The following CAST variants were observed in gnomAD, a reference collection of about 807,000 sequenced individuals.
CAST encodes the protein MIR583 host.
CAST carries 76 observed loss-of-function variants against 119.6 expected under a neutral mutation model. That is an observed-to-expected ratio of 0.64 (90% CI 0.53 to 0.77). The LOEUF is 0.77. Ranked by LOEUF, CAST falls within the 30% of genes least tolerant of loss-of-function variation. The probability of loss-of-function intolerance (pLI) is 0.00; values close to 1 mark genes in which losing one functional copy is unlikely to be tolerated. For synonymous variants in CAST, 319 were observed against 331.6 expected, an observed-to-expected ratio of 0.96 and a Z score of 0.41; for missense variants, 953 against 946.5, an observed-to-expected ratio of 1.01 and a Z score of -0.09.
intron 1 of CAST, among the ~76,000 whole-genome samples, chr5:96,532,462 C>G (rs1054128088): frequency 2.6e-5 from 4 of 152,188 alleles, no homozygotes; most frequent in Non-Finnish European, 5.9e-5. Context: ...TGCCTGTAAT[C>G]CCAGCATTTT....
the CAST span, among the ~76,000 whole-genome samples, chr5:96,201,783 T>G: frequency 6.6e-6 from 1 of 152,112 alleles, no homozygotes; most frequent in Non-Finnish European, 1.5e-5. Flanking sequence ...TAATATAAAG[T>G]GTCACAGTGC....
chr5:96,593,880 A>G (rs1233178675), intron 1 of CAST, among the ~76,000 whole-genome samples: 1 of 152,228 alleles, frequency 6.6e-6, no homozygotes, highest in African/African-American at 2.4e-5. Flanking sequence ...TGTGAGAAAT[A>G]GATTTCTGTT....
chr5:96,171,887 G>A, the CAST span, among the ~76,000 whole-genome samples: 8 of 152,362 alleles, frequency 5.3e-5, no homozygotes, highest in East Asian at 1.5e-3. Context: ...CAAAGAGCAG[G>A]AGGACAGGGG....
At chr5:96,619,783 A>T (rs1021895564) in intron 1 of CAST, among the ~76,000 whole-genome samples, 7 of 151,032 alleles carry the variant, frequency 4.6e-5, no homozygotes, top group African/African-American at 1.5e-4. Flanking sequence ...TCATTCCTGA[A>T]GTCAGCCATA....
chr5:96,093,424 C>T, the CAST span, among the ~76,000 whole-genome samples: 3 of 152,234 alleles, frequency 2.0e-5, no homozygotes, highest in African/African-American at 7.2e-5. Flanking sequence ...GAGCCAGCAG[C>T]AGCTGTTAAG....
chr5:96,061,576 C>T, the CAST span, among the ~76,000 whole-genome samples: 1 of 151,892 alleles, frequency 6.6e-6, no homozygotes, highest in Admixed American at 6.6e-5. Context: ...CACTATAGCC[C>T]CTCAGAGGTA....
chr5:96,399,085 T>C, the CAST span: 2 of 1,386,268 alleles, frequency 1.4e-6, no homozygotes, highest in Non-Finnish European at 2.0e-6. Flanking sequence ...CCAAACTTCC[T>C]TGCATTTTAT....
chr5:96,486,434 G>C, the CAST span, among the ~76,000 whole-genome samples: 1 of 152,276 alleles, frequency 6.6e-6, no homozygotes, highest in Admixed American at 6.5e-5. Flanking sequence ...TTACTAGGTA[G>C]AGTTTTGGCC....
the CAST span, among the ~76,000 whole-genome samples, chr5:96,255,747 G>C: frequency 1.3e-5 from 2 of 152,090 alleles, no homozygotes; most frequent in African/African-American, 4.8e-5. Flanking sequence ...CTAATTTTGA[G>C]ACTGTGGCTT....
intron 3 of CAST, among the ~76,000 whole-genome samples, chr5:96,711,964 G>A (rs1441876646): frequency 1.3e-5 from 2 of 152,066 alleles, no homozygotes; most frequent in Admixed American, 6.6e-5. Context: ...TTGGAATATG[G>A]TGAAAATTAA....
At chr5:96,199,767 T>A in the CAST span, among the ~76,000 whole-genome samples, 1 of 152,166 alleles carries the variant, frequency 6.6e-6, no homozygotes, top group Non-Finnish European at 1.5e-5. Context: ...AGAGCAGGGA[T>A]GGGATGGGGT....
the CAST span, among the ~76,000 whole-genome samples, chr5:96,259,916 A>G: frequency 6.8e-6 from 1 of 147,310 alleles, no homozygotes; most frequent in Non-Finnish European, 1.5e-5. Context: ...GTTTTCCATT[A>G]TCTTTTGGTC....
chr5:96,521,639 A>G (rs551167449), upstream of CAST, among the ~76,000 whole-genome samples: 11 of 151,928 alleles, frequency 7.2e-5, no homozygotes, highest in South Asian at 2.3e-3. Context: ...TTTGTCTCTC[A>G]CTCTTTCTCT....
chr5:96,434,631 G>GTT, the CAST span, among the ~76,000 whole-genome samples: 1 of 148,536 alleles, frequency 6.7e-6, no homozygotes, highest in African/African-American at 2.5e-5. Flanking sequence ...TGTTGTTGTT[G>GTT]TTGTTTTTTA....
the CAST span, among the ~76,000 whole-genome samples, chr5:96,242,946 A>C: frequency 3.2e-4 from 49 of 152,262 alleles, no homozygotes; most frequent in African/African-American, 1.1e-3. Flanking sequence ...GTTTCTTCAT[A>C]TTTCTTTTTT....
chr5:96,405,311 C>A, the CAST span, among the ~76,000 whole-genome samples: 3 of 152,070 alleles, frequency 2.0e-5, no homozygotes, highest in East Asian at 5.8e-4. Flanking sequence ...CTGGTGAAAC[C>A]TATAAGCCAT....
the CAST span, chr5:96,393,472 C>T: frequency 6.1e-5 from 87 of 1,432,418 alleles, no homozygotes; most frequent in Admixed American, 6.9e-4. Flanking sequence ...CGCTGCCTGC[C>T]GCTTGAGAGG....
At chr5:96,373,920 G>A in the CAST span, among the ~76,000 whole-genome samples, 1 of 151,848 alleles carries the variant, frequency 6.6e-6, no homozygotes, top group Non-Finnish European at 1.5e-5. Context: ...CTAATTTTTG[G>A]TATTTTTTGC....
upstream of CAST, among the ~76,000 whole-genome samples, chr5:96,661,340 G>C (rs1025347176): frequency 7.1e-6 from 1 of 140,890 alleles, no homozygotes; most frequent in Non-Finnish European, 1.5e-5. Flanking sequence ...CAGGAGAATC[G>C]CTTGAACCTG....
Sources: gnomAD v4.1 joint callset for allele counts (sites outside exome capture counted in the v4.1 genomes callset) on GRCh38, gnomAD v4.1.1 for gene constraint, MANE v1.5 for transcripts, NCBI Gene and HGNC (gene_info 2026-07-23, HGNC 2026-07-21) for gene names.